GALNTL6: variants seen among roughly 807,000 people sequenced by gnomAD.
The protein encoded by GALNTL6 is polypeptide N-acetylgalactosaminyltransferase like 6, also known as polypeptide N-acetylgalactosaminyltransferase-like 6.
In GALNTL6, 46 loss-of-function variants were observed where a neutral mutation model predicts 73.7. The ratio of observed to expected loss-of-function variants is 0.62; its 90% CI spans 0.49 to 0.80. GALNTL6 has a LOEUF of 0.80. Ranked by LOEUF, GALNTL6 falls within the 30% of genes least tolerant of loss-of-function variation. The pLI is 0.00. For synonymous variants in GALNTL6, 259 were observed against 263.7 expected (o/e 0.98, Z 0.17); for missense variants, 604 against 755.0 (o/e 0.80, Z 2.34).
chr4:171,869,093 T>C (rs1211659364), intron 2 of GALNTL6, among the ~76,000 whole-genome samples: 3 of 152,134 alleles, frequency 2.0e-5, no homozygotes, highest in African/African-American at 7.2e-5. Flanking sequence ...TCAGGAGAAA[T>C]CCAATTACCT....
intron 5 of GALNTL6, among the ~76,000 whole-genome samples, chr4:172,484,594 A>G (rs1733607329): frequency 2.0e-5 from 3 of 152,188 alleles, no homozygotes. Flanking sequence ...AAGGTGACTC[A>G]GCATTGATTT....
At chr4:172,093,002 T>C (rs928029560) in intron 2 of GALNTL6, among the ~76,000 whole-genome samples, 3 of 151,336 alleles carry the variant, frequency 2.0e-5, no homozygotes, top group Non-Finnish European at 4.4e-5. Flanking sequence ...GCCTCCCGAG[T>C]AGCTGGGACT....
At chr4:171,909,182 A>T (rs980977247) in intron 2 of GALNTL6, among the ~76,000 whole-genome samples, 120 of 151,630 alleles carry the variant, frequency 7.9e-4, no homozygotes, top group African/African-American at 2.6e-3. Flanking sequence ...AAAAGAAAAA[A>T]AAAAAAGAAA....
chr4:172,433,710 T>C (rs11417304), intron 5 of GALNTL6, among the ~76,000 whole-genome samples: 1 of 151,996 alleles, frequency 6.6e-6, no homozygotes, highest in African/African-American at 2.4e-5. Flanking sequence ...ATTTTTTTTT[T>C]CTCCATAAGC....
intron 2 of GALNTL6, among the ~76,000 whole-genome samples, chr4:172,213,973 T>C (rs1445101726): frequency 6.6e-6 from 1 of 152,202 alleles, no homozygotes; most frequent in Non-Finnish European, 1.5e-5. Context: ...TTGTGAAAGA[T>C]ATGAAATTTA....
intron 5 of GALNTL6, among the ~76,000 whole-genome samples, chr4:172,518,804 G>T (rs1053920076): frequency 6.6e-6 from 1 of 151,884 alleles, no homozygotes; most frequent in South Asian, 2.1e-4. Context: ...TGTAATTAAG[G>T]TATAGTTATT....
intron 7 of GALNTL6, among the ~76,000 whole-genome samples, chr4:172,874,612 C>T (rs189752627): frequency 7.2e-5 from 11 of 152,094 alleles, no homozygotes; most frequent in African/African-American, 2.4e-4. Flanking sequence ...CTGGTGACAC[C>T]CTGGGGCATC....
chr4:172,671,721 C>A (rs1731997938), intron 5 of GALNTL6, among the ~76,000 whole-genome samples: 1 of 152,150 alleles, frequency 6.6e-6, no homozygotes, highest in African/African-American at 2.4e-5. Context: ...AGTGGGCATC[C>A]TCATCTTGTG....
chr4:172,565,178 T>C (rs941847867), intron 5 of GALNTL6, among the ~76,000 whole-genome samples: 3 of 152,204 alleles, frequency 2.0e-5, no homozygotes, highest in Non-Finnish European at 4.4e-5. Context: ...AACTTAATCA[T>C]TTCCCAAAAG....
At chr4:171,856,001 A>C (rs565350902) in intron 2 of GALNTL6, among the ~76,000 whole-genome samples, 2 of 152,190 alleles carry the variant, frequency 1.3e-5, no homozygotes, top group Non-Finnish European at 2.9e-5. Context: ...TTGAATAATA[A>C]TTCTTTATTA....
At chr4:172,778,033 G>C in intron 5 of GALNTL6, among the ~76,000 whole-genome samples, 1 of 152,278 alleles carries the variant, frequency 6.6e-6, no homozygotes, top group East Asian at 1.9e-4. Flanking sequence ...AAGCCTCTTC[G>C]TAATTATGTA....
intron 8 of GALNTL6, among the ~76,000 whole-genome samples, chr4:172,904,438 A>C (rs1218413215): frequency 1.1e-4 from 16 of 152,120 alleles, no homozygotes. Flanking sequence ...ATGGAGGTTA[A>C]TTTCCTACTT....
At position 171,924,818 on chromosome 4, in the gene GALNTL6, C is replaced by T. The variant is rs930631258; in HGVS notation, c.138+110100C>T. On this transcript the variant is annotated intron_variant, in intron 2 of 12. Transcript: ENST00000506823. Reference sequence around the variant, plus strand: ...AAATTTCCTGTGGCTGTTGTATCAACTATAACAAATTAGGTGGCTTGTAAC... The same window carrying T: ...AAATTTCCTGTGGCTGTTGTATCAATTATAACAAATTAGGTGGCTTGTAAC... 1.5e-4 allele frequency among the ~76,000 whole-genome samples: 23 copies of T among 152,128 alleles called. 1 individual carries two copies. Among genetic ancestry groups the T allele is most frequent in the African/African-American group, 5.6e-4 (23 of 41,424 alleles).
chr4:171,987,382 G>T (rs948778080), intron 2 of GALNTL6, among the ~76,000 whole-genome samples: 1 of 152,124 alleles, frequency 6.6e-6, no homozygotes, highest in African/African-American at 2.4e-5. Flanking sequence ...TATAGAGATG[G>T]GAAGGCTAAA....
intron 5 of GALNTL6, among the ~76,000 whole-genome samples, chr4:172,796,783 G>A (rs1429399478): frequency 6.7e-6 from 1 of 149,762 alleles, no homozygotes; most frequent in Non-Finnish European, 1.5e-5. Flanking sequence ...ATATTATTAA[G>A]AACGGGGAGT....
intron 5 of GALNTL6, among the ~76,000 whole-genome samples, chr4:172,522,338 C>T (rs544717954): frequency 2.6e-5 from 4 of 152,174 alleles, no homozygotes; most frequent in African/African-American, 9.6e-5. Context: ...TATCTTTAAA[C>T]ATTTAACTTC....
At chr4:172,024,189 T>C (rs867645370) in intron 2 of GALNTL6, among the ~76,000 whole-genome samples, 3 of 151,892 alleles carry the variant, frequency 2.0e-5, no homozygotes, top group Non-Finnish European at 4.4e-5. Flanking sequence ...CATTGAACTT[T>C]GTTGTAGTTT....
At chr4:172,100,799 T>C (rs1732488380) in intron 2 of GALNTL6, among the ~76,000 whole-genome samples, 1 of 152,136 alleles carries the variant, frequency 6.6e-6, no homozygotes, top group Admixed American at 6.5e-5. Context: ...ACCTGGTGTT[T>C]TCTTCTGTAT....
At chr4:172,147,736 G>A (rs1733965042) in intron 2 of GALNTL6, among the ~76,000 whole-genome samples, 1 of 152,152 alleles carries the variant, frequency 6.6e-6, no homozygotes, top group African/African-American at 2.4e-5. Flanking sequence ...AAGCATATAA[G>A]CATTGCAGGG....
Sources: gnomAD v4.1 joint callset for allele counts (sites outside exome capture counted in the v4.1 genomes callset) on GRCh38, gnomAD v4.1.1 for gene constraint, MANE v1.5 for transcripts, NCBI Gene and HGNC (gene_info 2026-07-23, HGNC 2026-07-21) for gene names.